The following STARD13 variants were observed in gnomAD, a reference collection of about 807,000 sequenced individuals.
The protein encoded by STARD13 is stAR-related lipid transfer protein 13.
STARD13 carries 62 observed loss-of-function variants against 106.4 expected under a neutral mutation model. That is an observed-to-expected ratio of 0.58 (90% CI 0.48 to 0.72). The LOEUF is 0.72. Among genes scored for constraint, STARD13 ranks in the 30% least tolerant of loss-of-function variants. The pLI is 0.00. For synonymous variants in STARD13, 565 were observed against 553.0 expected (o/e 1.02, Z -0.31); for missense variants, 1,387 against 1,424.0 (o/e 0.97, Z 0.42).
the STARD13 span, among the ~76,000 whole-genome samples, chr13:33,615,198 A>T: frequency 1.3e-5 from 2 of 152,140 alleles, no homozygotes; most frequent in African/African-American, 4.8e-5. Context: ...TGCCTGGAGC[A>T]ATTTAGTGGG....
At chr13:33,134,589 AG>A (rs1878807425) in intron 4 of STARD13, among the ~76,000 whole-genome samples, 1 of 152,258 alleles carries the variant, frequency 6.6e-6, no homozygotes, top group Non-Finnish European at 1.5e-5. Flanking sequence ...TTTGAGACTC[AG>A]TTTTCAGAGT....
the STARD13 span, among the ~76,000 whole-genome samples, chr13:33,367,504 AAAG>A: frequency 6.6e-6 from 1 of 152,254 alleles, no homozygotes; most frequent in African/African-American, 2.4e-5. Context: ...TCTCAAAAAA[AAAG>A]AAGGACAAAA....
At chr13:33,621,680 CAAAA>C in the STARD13 span, among the ~76,000 whole-genome samples, 2 of 82,326 alleles carry the variant, frequency 2.4e-5, no homozygotes, top group Non-Finnish European at 4.6e-5. Flanking sequence ...ACTCAGTCTC[CAAAA>C]AAAAAAAAAA....
the STARD13 span, among the ~76,000 whole-genome samples, chr13:33,374,221 G>A: frequency 6.6e-6 from 1 of 152,104 alleles, no homozygotes; most frequent in Non-Finnish European, 1.5e-5. Flanking sequence ...ACTTGTATGA[G>A]GTACTTAGAG....
At chr13:33,398,092 T>C in the STARD13 span, among the ~76,000 whole-genome samples, 1 of 152,206 alleles carries the variant, frequency 6.6e-6, no homozygotes, top group Non-Finnish European at 1.5e-5. Flanking sequence ...TAAATGATCT[T>C]CTCCTTTACT....
chr13:33,255,413 C>A (rs185687086), intron 1 of STARD13, among the ~76,000 whole-genome samples: 46 of 152,062 alleles, frequency 3.0e-4, no homozygotes, highest in Admixed American at 7.2e-4. Flanking sequence ...CTAAAGAGAA[C>A]CGCTCACAAC....
chr13:33,365,818 A>G, the STARD13 span, among the ~76,000 whole-genome samples: 1 of 152,190 alleles, frequency 6.6e-6, no homozygotes, highest in East Asian at 1.9e-4. Flanking sequence ...GTACAATTAT[A>G]AAACATAGTA....
the STARD13 span, among the ~76,000 whole-genome samples, chr13:33,370,852 C>T: frequency 2.0e-5 from 3 of 151,838 alleles, no homozygotes; most frequent in Non-Finnish European, 4.4e-5. Context: ...AACTCCTGAC[C>T]TCAGGTGATC....
the STARD13 span, among the ~76,000 whole-genome samples, chr13:33,537,761 T>C: frequency 6.6e-6 from 1 of 152,092 alleles, no homozygotes; most frequent in Non-Finnish European, 1.5e-5. Context: ...CTAGAACATA[T>C]GCTTGTATTT....
chr13:33,662,261 CAA>C, the STARD13 span, among the ~76,000 whole-genome samples: 8 of 124,680 alleles, frequency 6.4e-5, no homozygotes, highest in South Asian at 2.7e-4. Flanking sequence ...GACCCCGTCT[CAA>C]AAAAAAAAAA....
the STARD13 span, among the ~76,000 whole-genome samples, chr13:33,516,875 AG>A: frequency 6.7e-6 from 1 of 149,954 alleles, no homozygotes; most frequent in East Asian, 2.0e-4. Context: ...CAGCAGTTCG[AG>A]GTTGTAGTGA....
chr13:33,325,611 A>G (rs1283770687), intron 1 of STARD13, among the ~76,000 whole-genome samples: 1 of 152,176 alleles, frequency 6.6e-6, no homozygotes, highest in African/African-American at 2.4e-5. Context: ...TTTTTCAAAA[A>G]GAGTAAAAAA....
intron 1 of STARD13, among the ~76,000 whole-genome samples, chr13:33,282,153 C>G (rs1891820217): frequency 6.6e-6 from 1 of 152,096 alleles, no homozygotes; most frequent in South Asian, 2.1e-4. Flanking sequence ...TTCTCTCTCT[C>G]TACAACAATT....
downstream of STARD13, among the ~76,000 whole-genome samples, chr13:33,345,871 T>C (rs2138609892): frequency 6.6e-6 from 1 of 152,284 alleles, no homozygotes; most frequent in South Asian, 2.1e-4. Context: ...AGGTCTTGCT[T>C]TGGGGCTTCC....
At chr13:33,255,157 G>C (rs1289877746) in intron 1 of STARD13, among the ~76,000 whole-genome samples, 2 of 151,716 alleles carry the variant, frequency 1.3e-5, no homozygotes, top group Non-Finnish European at 2.9e-5. Flanking sequence ...CCACACCCTT[G>C]TTGCACATCC....
At chr13:33,463,552 C>T in the STARD13 span, among the ~76,000 whole-genome samples, 1 of 152,132 alleles carries the variant, frequency 6.6e-6, no homozygotes, top group East Asian at 1.9e-4. Flanking sequence ...AGACCTGCCT[C>T]CAGAGTCGAG....
chr13:33,205,846 C>T, intron 1 of STARD13: 1 of 985,364 alleles, frequency 1.0e-6, no homozygotes, highest in South Asian at 4.7e-5. Context: ...TTAGGCTGTG[C>T]TGTACCTTTC....
intron 1 of STARD13, among the ~76,000 whole-genome samples, chr13:33,170,862 A>G (rs1220055197): frequency 6.6e-6 from 1 of 152,234 alleles, no homozygotes; most frequent in African/African-American, 2.4e-5. Flanking sequence ...TGGCATAATT[A>G]ACCCCTATCA....
At chr13:33,364,814 G>C in the STARD13 span, among the ~76,000 whole-genome samples, 1 of 152,160 alleles carries the variant, frequency 6.6e-6, no homozygotes, top group Non-Finnish European at 1.5e-5. Flanking sequence ...GCGTGAACCC[G>C]GGAGGCGGAG....
Sources: allele counts gnomAD v4.1 joint callset (sites outside exome capture counted in the v4.1 genomes callset), GRCh38; gene constraint gnomAD v4.1.1; transcripts MANE v1.5; gene names NCBI Gene and HGNC (gene_info 2026-07-23, HGNC 2026-07-21).